SUSD5: variants seen among roughly 807,000 people sequenced by gnomAD.
The protein encoded by SUSD5 is sushi domain containing 5, also known as sushi domain-containing protein 5.
In SUSD5, 33 loss-of-function variants were observed where a neutral mutation model predicts 29.5. The ratio of observed to expected loss-of-function variants is 1.12; its 90% CI spans 0.85 to 1.49. The LOEUF (loss-of-function observed/expected upper bound fraction) is 1.49. Ranked by LOEUF, SUSD5 falls within the 40% of genes most tolerant of loss-of-function variation. The pLI is 0.00. For synonymous variants in SUSD5, 308 were observed against 325.3 expected (o/e 0.95, Z 0.57); for missense variants, 776 against 800.6 (o/e 0.97, Z 0.37).
intron 1 of SUSD5, among the ~76,000 whole-genome samples, chr3:33,214,410 T>C (rs1043505971): frequency 7.4e-6 from 1 of 135,960 alleles, no homozygotes; most frequent in Non-Finnish European, 1.5e-5. Context: ...TTTACAAATA[T>C]CATGTGTCAA....
intron 3 of SUSD5, among the ~76,000 whole-genome samples, chr3:33,184,001 G>A (rs2031730793): frequency 7.7e-6 from 1 of 129,070 alleles, no homozygotes; most frequent in Non-Finnish European, 1.6e-5. Context: ...GCAGTGGCGT[G>A]ATCTCAGTTC....
intron 3 of SUSD5, among the ~76,000 whole-genome samples, chr3:33,201,291 T>C (rs904891080): frequency 2.0e-5 from 3 of 152,204 alleles, no homozygotes; most frequent in Admixed American, 6.5e-5. Context: ...AAGGCAGGGC[T>C]TTGAACTCCT....
chr3:33,154,144 GT>G, intron 4 of SUSD5, 111 bp from the exon 5 acceptor site: 3 of 849,762 alleles, frequency 3.5e-6, no homozygotes, highest in Non-Finnish European at 5.2e-6. Flanking sequence ...AAATAATACT[GT>G]TATTATTCAC....
At chr3:33,183,803 T>C (rs2031721054) in intron 3 of SUSD5, among the ~76,000 whole-genome samples, 1 of 152,060 alleles carries the variant, frequency 6.6e-6, no homozygotes, top group Non-Finnish European at 1.5e-5. Flanking sequence ...ACAAATTCTC[T>C]CATTTTTTGT....
intron 3 of SUSD5, among the ~76,000 whole-genome samples, chr3:33,191,343 G>C (rs1276161291): frequency 6.6e-6 from 1 of 152,030 alleles, no homozygotes; most frequent in African/African-American, 2.4e-5. Context: ...TGTTAGCCAG[G>C]ATGGTCTTGA....
rs554678589 is a variant in SUSD5, at chr3:33,186,179, G to A, written c.410-11105C>T. Among the ~76,000 whole-genome samples the A allele has an allele frequency of 6.6e-5, 10 of 151,988 alleles. No homozygotes were observed. The East Asian group carries it at 2.0e-3, about 30-fold the overall frequency. On this transcript the variant is annotated intron_variant, in intron 3 of 4. Coordinates refer to ENST00000309558, the MANE Select transcript of SUSD5 (RefSeq NM_015551.2). ...TAGCTGGGCGTGGTGGCAGGCGCCT[G>A]TAGTCCCAGCTACTCGGGAGGCTGA...
chr3:33,194,746 G>T (rs970676686), intron 3 of SUSD5, among the ~76,000 whole-genome samples: 5 of 152,186 alleles, frequency 3.3e-5, no homozygotes, highest in African/African-American at 1.2e-4. Flanking sequence ...TGGAGGCCAT[G>T]AGTGCAGATG....
intron 3 of SUSD5, among the ~76,000 whole-genome samples, chr3:33,198,201 G>T (rs2032032852): frequency 6.6e-6 from 1 of 152,162 alleles, no homozygotes; most frequent in South Asian, 2.1e-4. Context: ...ACTTATTGAG[G>T]TGTTACTCTG....
intron 4 of SUSD5, 58 bp from the exon 5 acceptor site, chr3:33,154,091 A>G: frequency 7.3e-7 from 1 of 1,377,642 alleles, no homozygotes; most frequent in South Asian, 1.5e-5. Flanking sequence ...CCAGTATAGA[A>G]CATAAGAAAA....
In SUSD5 at chr3:33,153,897, T is replaced by C; in HGVS notation, c.735A>G (p.Pro245=). 2 of 1,614,026 alleles carry C rather than the reference T, an allele frequency of 1.2e-6. No homozygotes were observed. The highest frequency in any genetic ancestry group is 1.7e-6 in the Non-Finnish European group (2 of 1,179,878). ...RGQGDSSEEA[P]KQDRLVSISV... ...AAATGGAGACCAGACGGTCCTGTTTTGGAGCCTCCTCAGAGGAGTCTCCCT... is the reference window on the plus strand; with the variant it reads ...AAATGGAGACCAGACGGTCCTGTTTCGGAGCCTCCTCAGAGGAGTCTCCCT... The change falls in exon 5 of 5, where the codon CCA becomes CCG. Residue 245 remains proline, a synonymous_variant. Coordinates refer to ENST00000309558, the MANE Select transcript of SUSD5 (RefSeq NM_015551.2).
chr3:33,213,930 A>C lies in SUSD5; in HGVS notation c.288T>G (p.Leu96=). 1.3e-6 allele frequency: 2 copies of C among 1,595,010 alleles called. No homozygotes were observed. Among genetic ancestry groups the C allele is most frequent in the Non-Finnish European group, 1.7e-6 (2 of 1,169,170 alleles). Residue 96 remains leucine, a splice_region_variant and synonymous_variant, in exon 2 of 5, where the codon CTT becomes CTG. Transcript: ENST00000309558. ...CTTGWLADGT[L]GTTVCSKGSG... ...AAAGGAGTGCTCGCCTAACTTACCC[A>C]AGAGTACCATCTGCTAGCCAGCCAG...
intron 3 of SUSD5, among the ~76,000 whole-genome samples, chr3:33,183,534 C>T (rs2031715395): frequency 6.6e-6 from 1 of 152,144 alleles, no homozygotes; most frequent in Non-Finnish European, 1.5e-5. Context: ...CTTATAATAA[C>T]AAAATATGCC....
chr3:33,204,614 C>G lies in SUSD5; in HGVS notation c.409+3194G>C, dbSNP rs2032179985. Among the ~76,000 whole-genome samples, 1 of 146,244 alleles carries G rather than the reference C, an allele frequency of 6.8e-6. No homozygotes were observed. Among genetic ancestry groups the G allele is most frequent in the Non-Finnish European group, 1.5e-5 (1 of 66,912 alleles). The stretch of plus-strand genomic sequence containing the variant: ...GGGATTACAGGCTTGAGCCACCACA[C>G]CCGGCCTGTTTTATTTTGTTTTGTT... On this transcript the variant is annotated intron_variant, in intron 3 of 4. Coordinates refer to ENST00000309558, the MANE Select transcript of SUSD5 (RefSeq NM_015551.2). This position sits in a 1 kb window ranked among gnomAD's most constrained non-coding sequence, Gnocchi z 4.5.
chr3:33,162,644 A>G (rs1204416078), intron 4 of SUSD5, among the ~76,000 whole-genome samples: 1 of 152,230 alleles, frequency 6.6e-6, no homozygotes, highest in East Asian at 1.9e-4. Context: ...GCAGGACTTC[A>G]TGATAAAAAT....
intron 3 of SUSD5, among the ~76,000 whole-genome samples, chr3:33,184,216 A>T (rs1447792370): frequency 6.6e-6 from 1 of 152,042 alleles, no homozygotes; most frequent in Non-Finnish European, 1.5e-5. Flanking sequence ...CTGGGATTTA[A>T]GGCATAAGCC....
intron 4 of SUSD5, among the ~76,000 whole-genome samples, chr3:33,158,763 T>G (rs2031111294): frequency 6.6e-6 from 1 of 152,150 alleles, no homozygotes. Flanking sequence ...CGGCCCCCTT[T>G]CATGAGGGGT....
At position 33,197,490 on chromosome 3, in the gene SUSD5, C is replaced by A. The variant is rs532187475; in HGVS notation, c.409+10318G>T. The stretch of plus-strand genomic sequence containing the variant: ...AAGTATTATTTATATAAATAAAATT[C>A]ATCAATTTTAAGTGTACAGCTTAGT... On this transcript the variant is annotated intron_variant, in intron 3 of 4. Coordinates refer to ENST00000309558, the MANE Select transcript of SUSD5 (RefSeq NM_015551.2). Among the ~76,000 whole-genome samples the A allele has an allele frequency of 2.2e-4, 33 of 152,036 alleles. No individual in the cohort carries two copies. In the South Asian group the frequency reaches 6.7e-3, roughly 31 times the overall value.
intron 3 of SUSD5, among the ~76,000 whole-genome samples, chr3:33,176,041 CT>C (rs2031545834): frequency 6.6e-6 from 1 of 152,192 alleles, no homozygotes; most frequent in East Asian, 1.9e-4. Context: ...ACAGCTGATC[CT>C]TTTACTGTCT....
In SUSD5 at chr3:33,153,327, T is replaced by A. The variant is rs1229975416; in HGVS notation, c.1305A>T (p.Ser435=). 6.2e-7 allele frequency: 1 copy of A among 1,613,946 alleles called. No individual in the cohort carries two copies. Among genetic ancestry groups the A allele is most frequent in the Admixed American group, 1.7e-5 (1 of 60,024 alleles). The change falls in exon 5 of 5, where the codon TCA becomes TCT. Residue 435 remains serine, a synonymous_variant. Coordinates refer to ENST00000309558, the MANE Select transcript of SUSD5 (RefSeq NM_015551.2). ...CATCTAGCATTTGAGATGGAAGAAC[T>A]GAACTATGGGTCATGCCCTCGCTTG... ...LTPSEGMTHS[S]VLPSQMLDVE... is the part of the protein sequence containing the mutation.
Sources: gnomAD v4.1 joint callset for allele counts (sites outside exome capture counted in the v4.1 genomes callset) on GRCh38, gnomAD v4.1.1 for gene constraint, Gnocchi (gnomAD v3.1) non-coding constraint, MANE v1.5 for transcripts, NCBI Gene and HGNC (gene_info 2026-07-23, HGNC 2026-07-21) for gene names.